Variants in ARFGEF3 observed in about 807,000 individuals in gnomAD.
The protein encoded by ARFGEF3 is ARFGEF family member 3.
Under a neutral mutation model 221.7 loss-of-function variants are expected in ARFGEF3, and 96 were observed. The ratio of observed to expected loss-of-function variants is 0.43; its 90% CI spans 0.37 to 0.51. ARFGEF3 has a LOEUF of 0.51. Among genes scored for constraint, ARFGEF3 ranks in the 20% least tolerant of loss-of-function variants. The pLI is 0.00. For synonymous variants in ARFGEF3, 1,145 were observed against 1,126.8 expected (o/e 1.02, Z -0.32); for missense variants, 2,410 against 2,789.9 (o/e 0.86, Z 3.07).
Position 138,206,887 on chromosome 6 carries a change from GTGTTTTCTCTTAAGCCCA to G in ARFGEF3, c.138-151_138-134del, listed in dbSNP as rs370602140. Among the ~76,000 whole-genome samples the G allele has an allele frequency of 8.4e-3, 1,277 of 152,314 alleles. 19 individuals are homozygous for G. Among genetic ancestry groups the G allele is most frequent in the African/African-American group, 0.028 (1,181 of 41,562 alleles). On this transcript the variant is annotated intron_variant, in intron 2 of 33. Coordinates refer to ENST00000251691, the MANE Select transcript of ARFGEF3 (RefSeq NM_020340.5). Reference sequence around the variant, plus strand: ...ATCATTTCTGCACAGCTTCTTTGCTGTGTTTTCTCTTAAGCCCATGTGCATTTTTATTATTGGTTATAG... The same window carrying G: ...ATCATTTCTGCACAGCTTCTTTGCTGTGTGCATTTTTATTATTGGTTATAG...
rs1171217695 is a variant in ARFGEF3, at chr6:138,334,889, A to G, written c.6043A>G (p.Thr2015Ala). The G allele has an allele frequency of 6.3e-7, 1 of 1,591,606 alleles. No homozygotes were observed. The highest frequency in any genetic ancestry group is 1.8e-5 in the Admixed American group (1 of 55,822). ...WWENAGNKIY[T>A]MAADKTISKL... ...GGAGAATGCGGGGAACAAAATCTAC[A>G]CCATGGCAGCCGACAAGACCATTTC... The change falls in exon 33 of 34, where the codon ACC (threonine) becomes GCC (alanine). Residue 2015 changes from threonine to alanine, a missense_variant. By Grantham distance (58) the Thr-to-Ala change is moderately conservative. Transcript: ENST00000251691. The surrounding 1 kb of genome is among the most constrained non-coding windows in gnomAD (Gnocchi z 5.1).
intron 2 of ARFGEF3, among the ~76,000 whole-genome samples, chr6:138,191,366 C>T (rs1245333367): frequency 6.6e-6 from 1 of 152,152 alleles, no homozygotes; most frequent in African/African-American, 2.4e-5. Flanking sequence ...GAATGCCTGG[C>T]ACAGAGTGGG....
rs1780370390 is a variant in ARFGEF3, at chr6:138,338,402, T to C, written c.*1916T>C. 1 of 152,240 alleles carries C rather than the reference T, an allele frequency of 6.6e-6. No individual in the cohort carries two copies. The highest frequency in any genetic ancestry group is 2.1e-4 in the South Asian group (1 of 4,832). 9.4% of individuals were successfully genotyped at this position (152,240 alleles called of 1,614,324 possible). ...GTGAACCTGTGAGTACTCCACAGTT[T>C]ACTGGGGGAAAAGGCTTCAGTAAAG... On this transcript the variant is annotated 3_prime_UTR_variant, in exon 34 of 34. Transcript: ENST00000251691.
At chr6:138,215,141 A>G (rs1408600236) in intron 4 of ARFGEF3, among the ~76,000 whole-genome samples, 1 of 152,222 alleles carries the variant, frequency 6.6e-6, no homozygotes, top group Non-Finnish European at 1.5e-5. Context: ...TACGGATCTA[A>G]TGACTTCTCT....
At chr6:138,211,156 C>T (rs1583013016) in intron 4 of ARFGEF3, among the ~76,000 whole-genome samples, 1 of 152,300 alleles carries the variant, frequency 6.6e-6, no homozygotes, top group East Asian at 1.9e-4. Flanking sequence ...AATAAGGTGA[C>T]ATTTGTAAAG....
chr6:138,193,458 A>G (rs1364418962), intron 2 of ARFGEF3, among the ~76,000 whole-genome samples: 1 of 152,230 alleles, frequency 6.6e-6, no homozygotes, highest in Non-Finnish European at 1.5e-5. Context: ...CCATATAGGC[A>G]GGAACCGTGT....
chr6:138,321,327 C>A, intron 29 of ARFGEF3, 102 bp downstream of exon 29: 1 of 657,790 alleles, frequency 1.5e-6, no homozygotes, highest in Non-Finnish European at 2.6e-6. Flanking sequence ...TTTTGGATTG[C>A]TTTCTGTAAG....
At position 138,255,431 on chromosome 6, in the gene ARFGEF3, C is replaced by T. The variant is rs1182890096; in HGVS notation, c.771-5C>T. On this transcript the variant is annotated splice_region_variant and splice_polypyrimidine_tract_variant and intron_variant, in intron 9 of 33. Coordinates refer to ENST00000251691, the MANE Select transcript of ARFGEF3 (RefSeq NM_020340.5). ...AAAGTTACTTTTCTCACCATCTCTTCCCAGGAAAAACCTCTGCCCTGCTCT... is the reference window on the plus strand; with the variant it reads ...AAAGTTACTTTTCTCACCATCTCTTTCCAGGAAAAACCTCTGCCCTGCTCT... 1.9e-6 allele frequency: 3 copies of T among 1,567,636 alleles called. No homozygotes were observed. In the South Asian group the frequency reaches 3.5e-5, roughly 18 times the overall value.
rs1488691223 is a variant in ARFGEF3 at position 138,342,224 on chromosome 6, C to T, written c.*5738C>T. 6.6e-6 allele frequency: 1 copy of T among 152,156 alleles called. No individual in the cohort carries two copies. Among genetic ancestry groups the T allele is most frequent in the Non-Finnish European group, 1.5e-5 (1 of 68,026 alleles). The allele number at this position is 152,156 out of a possible 1,614,324, so 9.4% of individuals were successfully genotyped here. ...TTGCTGGGCTCATGGTCAGAGTTCCCAGTTAAGTAAATCAGGAAATTTGTA... is the reference window on the plus strand; with the variant it reads ...TTGCTGGGCTCATGGTCAGAGTTCCTAGTTAAGTAAATCAGGAAATTTGTA... On this transcript the variant is annotated 3_prime_UTR_variant, in exon 34 of 34. Coordinates refer to ENST00000251691, the MANE Select transcript of ARFGEF3 (RefSeq NM_020340.5).
chr6:138,201,378 A>G (rs1325465689), intron 2 of ARFGEF3, among the ~76,000 whole-genome samples: 1 of 152,232 alleles, frequency 6.6e-6, no homozygotes, highest in Non-Finnish European at 1.5e-5. Flanking sequence ...ACACATGTTT[A>G]TAGCACCACA....
intron 12 of ARFGEF3, among the ~76,000 whole-genome samples, chr6:138,266,907 C>T (rs1325441429): frequency 6.7e-6 from 1 of 148,888 alleles, no homozygotes; most frequent in Non-Finnish European, 1.5e-5. Context: ...GTACATAAAG[C>T]CTCTCAAGTT....
intron 4 of ARFGEF3, among the ~76,000 whole-genome samples, chr6:138,214,959 A>C (rs1056062917): frequency 6.6e-6 from 1 of 152,254 alleles, no homozygotes; most frequent in Non-Finnish European, 1.5e-5. Flanking sequence ...TTGAGCAAAC[A>C]ATAAATGGTC....
chr6:138,272,143 A>ATTTATTTATTTATTTGTTTG (rs1294694483), intron 12 of ARFGEF3, among the ~76,000 whole-genome samples: 2 of 44,678 alleles, frequency 4.5e-5, no homozygotes, highest in African/African-American at 8.1e-4. Flanking sequence ...AGCAGATGCC[A>ATTTATTTATTTATTTGTTTG]TTTATTTATT....
At chr6:138,242,594 C>T (rs907321938) in intron 6 of ARFGEF3, among the ~76,000 whole-genome samples, 4 of 152,204 alleles carry the variant, frequency 2.6e-5, no homozygotes, top group Admixed American at 1.3e-4. Flanking sequence ...GAAATTAACT[C>T]ACCTCTTCAG....
intron 4 of ARFGEF3, chr6:138,216,784 T>C: frequency 6.6e-6 from 1 of 152,256 alleles, no homozygotes; most frequent in East Asian, 1.9e-4. Context: ...ATGAAAAATA[T>C]TTAACTCCTG....
intron 4 of ARFGEF3, among the ~76,000 whole-genome samples, chr6:138,223,736 A>G (rs541249030): frequency 1.3e-5 from 2 of 152,222 alleles, no homozygotes; most frequent in South Asian, 2.1e-4. Context: ...AATTTATTAT[A>G]TGTGTTATAA....
At chr6:138,220,970 C>A (rs1356712997) in intron 4 of ARFGEF3, among the ~76,000 whole-genome samples, 1 of 152,062 alleles carries the variant, frequency 6.6e-6, no homozygotes, top group Non-Finnish European at 1.5e-5. Context: ...CGGAAACCAC[C>A]CCAAAATGCA....
chr6:138,266,866 G>A (rs1395180276), intron 12 of ARFGEF3, among the ~76,000 whole-genome samples: 141 of 81,776 alleles, frequency 1.7e-3, no homozygotes, highest in South Asian at 6.4e-3. Context: ...AAAAAAAAAA[G>A]ATGTGCAATA....
intron 2 of ARFGEF3, among the ~76,000 whole-genome samples, chr6:138,199,701 C>A (rs1777498021): frequency 6.6e-6 from 1 of 152,164 alleles, no homozygotes; most frequent in South Asian, 2.1e-4. Flanking sequence ...TATAGAAGAG[C>A]TACTGATTTG....
Sources: allele counts gnomAD v4.1 joint callset (sites outside exome capture counted in the v4.1 genomes callset), GRCh38; gene constraint gnomAD v4.1.1; non-coding constraint Gnocchi (gnomAD v3.1); transcripts MANE v1.5; gene names NCBI Gene and HGNC (gene_info 2026-07-23, HGNC 2026-07-21).